The following LIG3 variants were observed in gnomAD, a reference collection of about 807,000 sequenced individuals.
LIG3 encodes DNA ligase 3.
A neutral mutation model predicts 110.9 loss-of-function variants in LIG3; 58 were observed. The observed-to-expected ratio is 0.52, with a 90% CI of 0.42 to 0.65. The LOEUF (loss-of-function observed/expected upper bound fraction) is 0.65, where lower values mean the gene tolerates loss of function less well. Ranked by LOEUF, LIG3 falls within the 30% of genes least tolerant of loss-of-function variation. The pLI is 0.00. For synonymous variants in LIG3, 422 were observed against 472.8 expected (o/e 0.89, Z 1.39); for missense variants, 1,094 against 1,273.8 (o/e 0.86, Z 2.15).
At position 35,002,799 on chromosome 17, in the gene LIG3, A is replaced by C; in HGVS notation, c.2796+10A>C. Reference sequence around the variant, plus strand: ...GCTGTGCCAAACAAAGGTGAGGGTAAAAACAGCAACACACCACGTGGGCCA... The same window carrying C: ...GCTGTGCCAAACAAAGGTGAGGGTACAAACAGCAACACACCACGTGGGCCA... On this transcript the variant is annotated intron_variant, in intron 19 of 19. Transcript: ENST00000378526. 6.3e-7 allele frequency: 1 copy of C among 1,590,174 alleles called. No individual in the cohort carries two copies. The highest frequency in any genetic ancestry group is 8.6e-7 in the Non-Finnish European group (1 of 1,165,710).
At chr17:34,998,116 G>A (rs2090798692) in intron 12 of LIG3, 103 bp from the exon 13 acceptor site, 1 of 830,622 alleles carries the variant, frequency 1.2e-6, no homozygotes, top group East Asian at 2.5e-5. Context: ...AAGTAAGGGT[G>A]TTTCCAGTGG....
intron 2 of LIG3, among the ~76,000 whole-genome samples, chr17:34,985,356 C>A (rs2090644577): frequency 6.6e-6 from 1 of 152,114 alleles, no homozygotes; most frequent in Admixed American, 6.5e-5. Flanking sequence ...TGTCCTTGTT[C>A]TTTGAAAGGA....
intron 9 of LIG3, among the ~76,000 whole-genome samples, chr17:34,994,632 T>C (rs547825182): frequency 7.2e-5 from 11 of 152,358 alleles, no homozygotes; most frequent in Non-Finnish European, 1.3e-4. Flanking sequence ...CAAAGAGCCC[T>C]GACTTGGGTT....
intron 7 of LIG3, 112 bp from the exon 8 acceptor site, chr17:34,992,412 A>T: frequency 2.5e-6 from 3 of 1,193,702 alleles, no homozygotes; most frequent in Non-Finnish European, 3.6e-6. Flanking sequence ...AATAGAACAC[A>T]ACCCCTTCCC....
Position 34,996,169 on chromosome 17 carries a change from C to T in LIG3, c.1717C>T (p.Pro573Ser), listed in dbSNP as rs1260900829. Residue 573 changes from proline to serine, a missense_variant, in exon 10 of 20, where the codon CCC becomes TCC. Pro to Ser is a moderately conservative substitution (Grantham distance 74). Coordinates refer to ENST00000378526, the MANE Select transcript of LIG3 (RefSeq NM_013975.4). ...LIDNKTGKPL[P>S]FGTLGVHKKA... is the part of the protein sequence containing the mutation. ...TGACAACAAGACAGGCAAACCACTG[C>T]CCTTTGGGACTCTGGGAGTACACAA... is the stretch of plus-strand genomic sequence containing the variant. 2 of 1,614,192 alleles carry T rather than the reference C, an allele frequency of 1.2e-6. No individual in the cohort carries two copies. The highest frequency in any genetic ancestry group is 8.5e-7 in the Non-Finnish European group (1 of 1,180,046).
intron 15 of LIG3, 42 bp downstream of exon 15, chr17:34,999,491 G>A (rs371413649): frequency 3.2e-5 from 51 of 1,594,420 alleles, no homozygotes; most frequent in Admixed American, 8.6e-5. Context: ...TGGACTGGCC[G>A]CCATCACTGA....
rs2090895699 is a variant in LIG3 at position 35,006,430 on chromosome 17, C to G, written c.*1924C>G. The G allele has an allele frequency of 6.6e-6, 1 of 152,378 alleles. No individual in the cohort carries two copies. The highest frequency in any genetic ancestry group is 1.5e-5 in the Non-Finnish European group (1 of 68,182). 9.4% of individuals were successfully genotyped at this position (152,378 alleles called of 1,614,324 possible). ...AACCTTAGGCAAGTTACGTTAACAT[C>G]TAAGCCTCAATCCCTCCAAGTAGAA... is the stretch of plus-strand genomic sequence containing the variant. On this transcript the variant is annotated 3_prime_UTR_variant, in exon 20 of 20. Transcript: ENST00000378526.
intron 11 of LIG3, 94 bp downstream of exon 11, chr17:34,996,747 G>C (rs1257100444): frequency 9.1e-7 from 1 of 1,096,886 alleles, no homozygotes; most frequent in East Asian, 2.4e-5. Context: ...TGGAAAGGAG[G>C]GTACAGGGAA....
chr17:35,001,215 A>G (rs2090837451), intron 16 of LIG3, 42 bp from the exon 17 acceptor site: 5 of 1,598,596 alleles, frequency 3.1e-6, no homozygotes, highest in Non-Finnish European at 4.3e-6. Flanking sequence ...CACTGATACT[A>G]TCTTCTTAAC....
rs1221516286 is a variant in LIG3 at position 34,982,911 on chromosome 17, T to A, written c.-4-91T>A. The A allele has an allele frequency of 4.4e-6, 4 of 913,698 alleles. No homozygotes were observed. The East Asian group carries it at 1.1e-4, about 24-fold the overall frequency. The allele number at this position is 913,698 out of a possible 1,614,324, so 56.6% of individuals were successfully genotyped here. A position where few individuals can be genotyped will look rare whatever the true frequency, so the allele number is the denominator to read the frequency against. On this transcript the variant is annotated intron_variant, in intron 1 of 19. Coordinates refer to ENST00000378526, the MANE Select transcript of LIG3 (RefSeq NM_013975.4). The stretch of plus-strand genomic sequence containing the variant: ...AAGTGTTTGATTAGTCATCATGGAC[T>A]ATATAAGACGCTGGCCTTTGGAAAA...
At position 34,983,184 on chromosome 17, in the gene LIG3, A is replaced by G. The variant is rs765904121; in HGVS notation, c.179A>G (p.Gln60Arg). The change falls in exon 2 of 20, where the codon CAG becomes CGG. Residue 60 changes from glutamine (Q) to arginine (R), a missense_variant. Gln to Arg is a conservative substitution (Grantham distance 43, BLOSUM62 1). Transcript: ENST00000378526. ...FLRRKPVLSFQGSHLRSRATY... is the reference protein window; with the variant it reads ...FLRRKPVLSFRGSHLRSRATY... ...AGAAGAAAGCCTGTTCTATCATTCC[A>G]GGGAAGCCATCTAAGATCACGTGCC... 4 of 1,614,072 alleles carry G rather than the reference A, an allele frequency of 2.5e-6. No individual in the cohort carries two copies. In the South Asian group the frequency reaches 4.4e-5, roughly 18 times the overall value.
chr17:35,000,184 A>G (rs556137807), intron 16 of LIG3, among the ~76,000 whole-genome samples: 153 of 152,348 alleles, frequency 1.0e-3, no homozygotes, highest in African/African-American at 3.6e-3. Context: ...GGACTTCCCT[A>G]AGGTTATTCA....
At position 34,992,608 on chromosome 17, in the gene LIG3, C is replaced by T. The variant is rs748842220; in HGVS notation, c.1371C>T (p.Asn457=). The change falls in exon 8 of 20, where the codon AAC becomes AAT. Residue 457 remains asparagine (N), a synonymous_variant. Coordinates refer to ENST00000378526, the MANE Select transcript of LIG3 (RefSeq NM_013975.4). ...ATGTGGTGGAGCGGGTCCTTCACAACGCGCAGGAGGTGGAGAAGGAGCCGG... is the reference window on the plus strand; with the variant it reads ...ATGTGGTGGAGCGGGTCCTTCACAATGCGCAGGAGGTGGAGAAGGAGCCGG... ...LQDVVERVLH[N]AQEVEKEPGQ... The T allele has an allele frequency of 1.9e-6, 3 of 1,613,908 alleles. No homozygotes were observed. Among genetic ancestry groups the T allele is most frequent in the Middle Eastern group, 1.7e-4 (1 of 6,060 alleles).
At position 34,983,029 on chromosome 17, in the gene LIG3, C is replaced by A. The variant is rs745559393; in HGVS notation, c.24C>A (p.Phe8Leu). The A allele has an allele frequency of 2.5e-6, 4 of 1,572,562 alleles. No individual in the cohort carries two copies. Among genetic ancestry groups the A allele is most frequent in the Non-Finnish European group, 3.4e-6 (4 of 1,159,888 alleles). The change falls in exon 2 of 20, where the codon TTC (phenylalanine) becomes TTA (leucine). Residue 8 changes from phenylalanine (F) to leucine (L), a missense_variant. Coordinates refer to ENST00000378526, the MANE Select transcript of LIG3 (RefSeq NM_013975.4). MSLAFKI[F>L]FPQTLRALSR... ...ATATGTCTTTGGCTTTCAAGATCTT[C>A]TTTCCACAAACCCTCCGTGCACTCA...
At chr17:34,984,516 T>C (rs2090635874) in intron 2 of LIG3, among the ~76,000 whole-genome samples, 1 of 152,236 alleles carries the variant, frequency 6.6e-6, no homozygotes, top group South Asian at 2.1e-4. Flanking sequence ...TTTAGTCTTA[T>C]CCCGTATGTA....
At chr17:34,984,057 G>C (rs2090631868) in intron 2 of LIG3, among the ~76,000 whole-genome samples, 1 of 152,116 alleles carries the variant, frequency 6.6e-6, no homozygotes, top group African/African-American at 2.4e-5. Context: ...TTAAGAATAG[G>C]ATATATGACC....
chr17:34,980,722 C>T (rs1328575636), intron 1 of LIG3, 100 bp downstream of exon 1: 3 of 632,950 alleles, frequency 4.7e-6, no homozygotes, highest in Admixed American at 1.3e-4. Flanking sequence ...AGCCAGCCCC[C>T]CGGCTCCTCC....
chr17:34,980,659 C>T, intron 1 of LIG3, 37 bp downstream of exon 1: 2 of 1,150,420 alleles, frequency 1.7e-6, no homozygotes, highest in Admixed American at 3.3e-5. Context: ...CGCGGCGGGG[C>T]CCGGCGTGGG....
At chr17:34,988,305 G>A (rs950584197) in intron 3 of LIG3, among the ~76,000 whole-genome samples, 2 of 152,126 alleles carry the variant, frequency 1.3e-5, no homozygotes, top group African/African-American at 4.8e-5. Flanking sequence ...TTCTGGAAGG[G>A]CTCCGGTGTT....
Sources: allele counts gnomAD v4.1 joint callset (sites outside exome capture counted in the v4.1 genomes callset), GRCh38; gene constraint gnomAD v4.1.1; transcripts MANE v1.5; gene names NCBI Gene and HGNC (gene_info 2026-07-23, HGNC 2026-07-21).